CCDC178: variants seen among roughly 807,000 people sequenced by gnomAD.
CCDC178 encodes coiled-coil domain-containing protein 178.
Under a neutral mutation model 117.4 loss-of-function variants are expected in CCDC178, and 126 were observed. The observed-to-expected ratio is 1.07, with a 90% CI of 0.93 to 1.24. The LOEUF is 1.24. Ranked by LOEUF, CCDC178 falls within the 50% of genes most tolerant of loss-of-function variation. CCDC178 has a pLI of 0.00. For missense variants in CCDC178, 1,030 were observed against 986.9 expected, an observed-to-expected ratio of 1.04 and a Z score of -0.59; for synonymous variants, 283 against 313.4, an observed-to-expected ratio of 0.90 and a Z score of 1.02.
At chr18:33,078,724 T>G (rs1052558017) in intron 21 of CCDC178, among the ~76,000 whole-genome samples, 1 of 152,010 alleles carries the variant, frequency 6.6e-6, no homozygotes, top group African/African-American at 2.4e-5. Context: ...CAGGTAACCA[T>G]GGAGGTGAAA....
intron 2 of CCDC178, among the ~76,000 whole-genome samples, chr18:33,433,625 T>C (rs2064249321): frequency 1.3e-5 from 2 of 151,604 alleles, no homozygotes; most frequent in South Asian, 4.2e-4. Flanking sequence ...AAGAATAGAG[T>C]GAAGTTTGAA....
intron 3 of CCDC178, among the ~76,000 whole-genome samples, chr18:33,407,774 C>T (rs2063800268): frequency 6.6e-6 from 1 of 151,504 alleles, no homozygotes; most frequent in Non-Finnish European, 1.5e-5. Context: ...AGTACTAAGG[C>T]CAATAAATAT....
chr18:33,306,495 A>ATATATATGGT (rs1568132096), intron 11 of CCDC178, among the ~76,000 whole-genome samples: 2 of 140,468 alleles, frequency 1.4e-5, no homozygotes, highest in African/African-American at 5.3e-5. Context: ...ATATGGTTAT[A>ATATATATGGT]TATATATGGT....
chr18:33,297,159 A>G (rs1397493899), intron 11 of CCDC178, among the ~76,000 whole-genome samples: 1 of 152,132 alleles, frequency 6.6e-6, no homozygotes, highest in Non-Finnish European at 1.5e-5. Context: ...TAGAAACACA[A>G]TATGCCAATT....
chr18:33,018,280 A>G (rs899090213), intron 21 of CCDC178, among the ~76,000 whole-genome samples: 4 of 152,086 alleles, frequency 2.6e-5, no homozygotes, highest in Admixed American at 6.5e-5. Context: ...AAACAACAAA[A>G]AAGCAGAAAA....
intron 18 of CCDC178, among the ~76,000 whole-genome samples, chr18:33,219,368 C>T (rs550785507): frequency 9.2e-5 from 14 of 152,248 alleles, no homozygotes; most frequent in African/African-American, 3.1e-4. Flanking sequence ...GACAGTGTGG[C>T]AATTCCTCAA....
intron 15 of CCDC178, among the ~76,000 whole-genome samples, chr18:33,244,335 G>A (rs1440297727): frequency 1.3e-5 from 2 of 151,964 alleles, no homozygotes; most frequent in East Asian, 3.9e-4. Context: ...TGGCCCTGCA[G>A]GTGCAGTAAA....
At chr18:33,248,606 T>G (rs1182834363) in intron 14 of CCDC178, among the ~76,000 whole-genome samples, 1 of 152,112 alleles carries the variant, frequency 6.6e-6, no homozygotes, top group African/African-American at 2.4e-5. Context: ...TCATCCTTTT[T>G]TATGGCTGCA....
At chr18:33,176,036 T>G (rs1184963999) in intron 20 of CCDC178, among the ~76,000 whole-genome samples, 1 of 152,002 alleles carries the variant, frequency 6.6e-6, no homozygotes, top group Non-Finnish European at 1.5e-5. Context: ...TAGGCAGGTG[T>G]GTTCTCTTGT....
In CCDC178 at chr18:33,272,401, T is replaced by G. The variant is rs144752240; in HGVS notation, c.1177-5104A>C. 1.8e-3 allele frequency among the ~76,000 whole-genome samples: 278 copies of G among 151,668 alleles called. 2 individuals are homozygous for G. Among genetic ancestry groups the G allele is most frequent in the African/African-American group, 6.3e-3 (261 of 41,502 alleles). On this transcript the variant is annotated intron_variant, in intron 12 of 22. Coordinates refer to ENST00000383096, the MANE Select transcript of CCDC178 (RefSeq NM_001105528.4). The stretch of plus-strand genomic sequence containing the variant: ...TCTGTAACAAGCAAATAAACTGAAT[T>G]AATAATCAAAAACTTCTCACAAAGA...
chr18:33,088,064 G>A (rs2057408817), intron 21 of CCDC178, among the ~76,000 whole-genome samples: 1 of 152,084 alleles, frequency 6.6e-6, no homozygotes, highest in Admixed American at 6.5e-5. Flanking sequence ...TTGGTGGGGT[G>A]AAGAAAGGAT....
At chr18:32,942,096 T>C (rs148241541) in intron 22 of CCDC178, among the ~76,000 whole-genome samples, 231 of 152,280 alleles carry the variant, frequency 1.5e-3, no homozygotes, top group African/African-American at 5.1e-3. Flanking sequence ...TCAGTAGTTA[T>C]GGTCATCTTT....
At chr18:33,409,277 G>T (rs189174350) in intron 3 of CCDC178, among the ~76,000 whole-genome samples, 1 of 151,916 alleles carries the variant, frequency 6.6e-6, no homozygotes, top group Non-Finnish European at 1.5e-5. Context: ...TAAAGACAGG[G>T]TTTCACTCTG....
chr18:33,196,743 T>A (rs1011005138), intron 20 of CCDC178, among the ~76,000 whole-genome samples: 1 of 152,180 alleles, frequency 6.6e-6, no homozygotes, highest in Non-Finnish European at 1.5e-5. Flanking sequence ...CTTCTGATAA[T>A]ATTTCCAGCA....
At chr18:33,136,602 G>A (rs1198403481) in intron 20 of CCDC178, among the ~76,000 whole-genome samples, 1 of 152,030 alleles carries the variant, frequency 6.6e-6, no homozygotes, top group Non-Finnish European at 1.5e-5. Flanking sequence ...GAAGACTTGG[G>A]GTCATATGAT....
chr18:33,389,765 A>G (rs1160209462), intron 4 of CCDC178, 136 bp from the exon 5 acceptor site: 2 of 413,512 alleles, frequency 4.8e-6, no homozygotes, highest in Admixed American at 4.4e-5. Flanking sequence ...ACAAATATTA[A>G]TCAAAATCCA....
At chr18:33,317,776 A>G (rs1405759516) in intron 11 of CCDC178, among the ~76,000 whole-genome samples, 1 of 152,134 alleles carries the variant, frequency 6.6e-6, no homozygotes. Flanking sequence ...ACATAGCTGA[A>G]TTTCTACCCT....
At chr18:33,004,484 T>A (rs1227234982) in intron 21 of CCDC178, among the ~76,000 whole-genome samples, 1 of 152,038 alleles carries the variant, frequency 6.6e-6, no homozygotes, top group African/African-American at 2.4e-5. Context: ...AAAATTCAAA[T>A]CAGAATGGAT....
chr18:33,131,635 C>T (rs191757243), intron 20 of CCDC178, among the ~76,000 whole-genome samples: 1 of 151,698 alleles, frequency 6.6e-6, no homozygotes, highest in African/African-American at 2.4e-5. Context: ...AGGATTTAAA[C>T]ATTAAAAGAA....
Sources: allele counts gnomAD v4.1 joint callset (sites outside exome capture counted in the v4.1 genomes callset), GRCh38; gene constraint gnomAD v4.1.1; transcripts MANE v1.5; gene names NCBI Gene and HGNC (gene_info 2026-07-23, HGNC 2026-07-21).